PHTF2: variants seen among roughly 807,000 people sequenced by gnomAD.
PHTF2 encodes the protein protein PHTF2.
PHTF2 carries 60 observed loss-of-function variants against 101.2 expected under a neutral mutation model. The ratio of observed to expected loss-of-function variants is 0.59; its 90% CI spans 0.48 to 0.73. PHTF2 has a LOEUF of 0.73. Ranked by LOEUF, PHTF2 falls within the 30% of genes least tolerant of loss-of-function variation. The probability of loss-of-function intolerance (pLI) is 0.00; values close to 1 mark genes in which losing one functional copy is unlikely to be tolerated. For synonymous variants in PHTF2, 311 were observed against 307.3 expected (o/e 1.01, Z -0.13); for missense variants, 747 against 908.7 (o/e 0.82, Z 2.29).
intron 3 of PHTF2, among the ~76,000 whole-genome samples, chr7:77,874,986 A>G (rs995487041): frequency 1.3e-5 from 2 of 152,090 alleles, no homozygotes; most frequent in African/African-American, 4.8e-5. Flanking sequence ...CTCTGTGTCT[A>G]TTTTATGCCA....
chr7:77,847,771 C>G (rs936294960), intron 2 of PHTF2, among the ~76,000 whole-genome samples: 1 of 152,158 alleles, frequency 6.6e-6, no homozygotes, highest in South Asian at 2.1e-4. Flanking sequence ...TGACTGTAGT[C>G]ACCCTGTTAT....
chr7:77,910,798 C>T (rs1353013659), intron 9 of PHTF2, among the ~76,000 whole-genome samples: 1 of 152,084 alleles, frequency 6.6e-6, no homozygotes, highest in Non-Finnish European at 1.5e-5. Flanking sequence ...CGTGCCACCA[C>T]ACCTGGCTAA....
chr7:77,828,838 G>A (rs1562850273), intron 1 of PHTF2, among the ~76,000 whole-genome samples: 1 of 151,602 alleles, frequency 6.6e-6, no homozygotes, highest in African/African-American at 2.4e-5. Flanking sequence ...ACTGCACACC[G>A]GCCTGGGTGA....
At chr7:77,944,775 A>G (rs1329654659) in intron 16 of PHTF2, among the ~76,000 whole-genome samples, 1 of 152,276 alleles carries the variant, frequency 6.6e-6, no homozygotes, top group African/African-American at 2.4e-5. Flanking sequence ...TAACACTGTG[A>G]AAAAAGAACA....
chr7:77,911,151 C>T (rs1192334599), intron 9 of PHTF2, among the ~76,000 whole-genome samples: 2 of 151,910 alleles, frequency 1.3e-5, no homozygotes, highest in African/African-American at 4.8e-5. Context: ...TACTTTTGTA[C>T]AATGTACCAT....
At chr7:77,871,278 TC>T (rs1419981614) in intron 3 of PHTF2, among the ~76,000 whole-genome samples, 1 of 152,220 alleles carries the variant, frequency 6.6e-6, no homozygotes, top group Non-Finnish European at 1.5e-5. Flanking sequence ...TCTTGTGTAT[TC>T]CATGAATACT....
intron 1 of PHTF2, among the ~76,000 whole-genome samples, chr7:77,832,472 AGG>A (rs1795145048): frequency 6.6e-6 from 1 of 152,230 alleles, no homozygotes; most frequent in Non-Finnish European, 1.5e-5. Context: ...CAACTGCTTA[AGG>A]TCACAAATGA....
intron 2 of PHTF2, among the ~76,000 whole-genome samples, chr7:77,850,728 T>A (rs1796693903): frequency 1.3e-5 from 2 of 151,876 alleles, no homozygotes; most frequent in African/African-American, 2.4e-5. Context: ...TGGTCATCCT[T>A]GTTGTGTTTT....
In PHTF2 at chr7:77,820,041, C is replaced by T. The variant is rs539740537; in HGVS notation, c.-35-20180C>T. Among the ~76,000 whole-genome samples, 9 of 152,286 alleles carry T rather than the reference C, an allele frequency of 5.9e-5. No individual in the cohort carries two copies. In the East Asian group the frequency reaches 1.5e-3, roughly 26 times the overall value. The stretch of plus-strand genomic sequence containing the variant: ...AGTAGCTGGAATTACAGGCATGCAC[C>T]ACCACACCCGGCTAATTTTGTATTT... On this transcript the variant is annotated intron_variant, in intron 1 of 19. Coordinates refer to ENST00000416283, the Ensembl canonical transcript of PHTF2.
intron 11 of PHTF2, chr7:77,924,173 T>G (rs973815317): frequency 2.1e-6 from 2 of 934,632 alleles, no homozygotes; most frequent in Admixed American, 6.2e-5. Flanking sequence ...ATAAATAAAA[T>G]GGAAACAGAA....
At chr7:77,850,208 A>G (rs900641160) in intron 2 of PHTF2, among the ~76,000 whole-genome samples, 3 of 150,740 alleles carry the variant, frequency 2.0e-5, no homozygotes, top group African/African-American at 7.3e-5. Context: ...AAAAAAAAAA[A>G]AAAATCCAGG....
intron 1 of PHTF2, among the ~76,000 whole-genome samples, chr7:77,825,092 T>TG (rs142310006): frequency 0.02 from 3,027 of 151,818 alleles, 84 homozygotes; most frequent in African/African-American, 0.069. Context: ...AAAAATGAAG[T>TG]GGGGTCACAG....
In PHTF2 at chr7:77,831,403, C is replaced by T. The variant is rs559786840; in HGVS notation, c.-35-8818C>T. ...TGCTTGCTGTTAAGGACATTTGTTACGAACTTTTAGGAGAGGCTGCAGTTC... is the reference window on the plus strand; with the variant it reads ...TGCTTGCTGTTAAGGACATTTGTTATGAACTTTTAGGAGAGGCTGCAGTTC... On this transcript the variant is annotated intron_variant, in intron 1 of 19. Coordinates refer to ENST00000416283, the Ensembl canonical transcript of PHTF2. Among the ~76,000 whole-genome samples, 16 of 152,272 alleles carry T rather than the reference C, an allele frequency of 1.1e-4. 1 individual carries two copies. Among genetic ancestry groups the T allele is most frequent in the African/African-American group, 2.2e-4 (9 of 41,552 alleles).
At chr7:77,939,243 T>C (rs1022457111) in intron 13 of PHTF2, among the ~76,000 whole-genome samples, 1 of 152,194 alleles carries the variant, frequency 6.6e-6, no homozygotes, top group African/African-American at 2.4e-5. Context: ...TTCTTCCTTC[T>C]ATCATCTCTC....
intron 3 of PHTF2, among the ~76,000 whole-genome samples, chr7:77,857,323 A>G (rs1797263456): frequency 6.6e-6 from 1 of 152,158 alleles, no homozygotes; most frequent in Non-Finnish European, 1.5e-5. Flanking sequence ...GAATAGGAAA[A>G]AGAGACAACC....
chr7:77,811,572 G>T (rs957649806), intron 1 of PHTF2, among the ~76,000 whole-genome samples: 5 of 152,034 alleles, frequency 3.3e-5, no homozygotes, highest in Non-Finnish European at 1.5e-5. Flanking sequence ...ATAAAGAAAA[G>T]CTTCTACCTC....
intron 16 of PHTF2, among the ~76,000 whole-genome samples, chr7:77,946,117 A>G (rs1428001833): frequency 1.3e-5 from 2 of 152,208 alleles, no homozygotes; most frequent in East Asian, 3.9e-4. Flanking sequence ...ATAGGCCATG[A>G]CTATGATAGT....
chr7:77,932,621 A>AGAGTGTGTGTGTGTGT (rs759880633), intron 12 of PHTF2, among the ~76,000 whole-genome samples: 4 of 118,476 alleles, frequency 3.4e-5, no homozygotes, highest in African/African-American at 1.4e-4. Context: ...AGAGAGAGAG[A>AGAGTGTGTGTGTGTGT]GTGTGTGTGT....
intron 9 of PHTF2, among the ~76,000 whole-genome samples, chr7:77,916,758 TA>T (rs1306775369): frequency 1.3e-5 from 2 of 152,196 alleles, no homozygotes; most frequent in Non-Finnish European, 1.5e-5. Flanking sequence ...AATCCTCTTT[TA>T]ATACCTAATA....
Sources: gnomAD v4.1 joint callset for allele counts (sites outside exome capture counted in the v4.1 genomes callset) on GRCh38, gnomAD v4.1.1 for gene constraint, MANE v1.5 for transcripts, NCBI Gene and HGNC (gene_info 2026-07-23, HGNC 2026-07-21) for gene names.